GNG4: variants seen among roughly 807,000 people sequenced by gnomAD.
The protein encoded by GNG4 is G protein subunit gamma 4, also known as guanine nucleotide-binding protein G(I)/G(S)/G(O) subunit gamma-4.
In GNG4, 4 loss-of-function variants were observed where a neutral mutation model predicts 5.8. The ratio of observed to expected loss-of-function variants is 0.69; its 90% CI spans 0.34 to 1.57. GNG4 has a LOEUF of 1.57. GNG4 is among the 40% of genes most tolerant of loss of function. The probability of loss-of-function intolerance (pLI) is 0.06; values close to 1 mark genes in which losing one functional copy is unlikely to be tolerated. For synonymous variants in GNG4, 29 were observed against 32.9 expected, an observed-to-expected ratio of 0.88 and a Z score of 0.41; for missense variants, 96 against 95.1, an observed-to-expected ratio of 1.01 and a Z score of -0.04.
chr1:235,612,285 C>A (rs944501103), intron 1 of GNG4, among the ~76,000 whole-genome samples: 23 of 152,248 alleles, frequency 1.5e-4, no homozygotes, highest in African/African-American at 5.5e-4. Context: ...GGCCTGCCAG[C>A]AGAACAATGC....
At chr1:235,554,759 C>T (rs964767030) in intron 3 of GNG4, among the ~76,000 whole-genome samples, 1 of 149,128 alleles carries the variant, frequency 6.7e-6, no homozygotes, top group Non-Finnish European at 1.5e-5. Context: ...GCAGGAGAAT[C>T]GCTTGAACTC....
intron 1 of GNG4, among the ~76,000 whole-genome samples, chr1:235,620,492 G>T (rs560678666): frequency 1.3e-5 from 2 of 152,364 alleles, no homozygotes; most frequent in Admixed American, 6.5e-5. Context: ...AGCTTTGCCT[G>T]GTGAGTTGGA....
rs1262948149 is a variant in GNG4, at chr1:235,642,444, G to C, written c.-123+7218C>G. On this transcript the variant is annotated intron_variant, in intron 1 of 3. Coordinates refer to ENST00000391854, the MANE Select transcript of GNG4 (RefSeq NM_001098722.2). This position sits in a 1 kb window ranked among gnomAD's most constrained non-coding sequence, Gnocchi z 4.3. ...CCGACGTGGGCCTGCAGCAAGAGAC[G>C]GGTGCTAACAGCGTCCGAGCCAATC... Among the ~76,000 whole-genome samples the C allele has an allele frequency of 2.0e-5, 3 of 152,210 alleles. No individual in the cohort carries two copies. The highest frequency in any genetic ancestry group is 4.4e-5 in the Non-Finnish European group (3 of 68,030).
rs866592698 is a variant in GNG4, at chr1:235,608,687, A to T, written c.-122-13176T>A. ...TTTTTTACTTAGTTTTTTATTTTTT[A>T]TTTTTTTTTTTTTTGAGACGGAGTC... On this transcript the variant is annotated intron_variant, in intron 1 of 3. Coordinates refer to ENST00000391854, the MANE Select transcript of GNG4 (RefSeq NM_001098722.2). 5.2e-3 allele frequency among the ~76,000 whole-genome samples: 748 copies of T among 143,470 alleles called. 8 individuals carry two copies. The highest frequency in any genetic ancestry group is 0.016 in the African/African-American group (613 of 38,748). The allele number at this position is 143,470 out of a possible 152,430, so 94.1% of individuals were successfully genotyped here.
intron 3 of GNG4, among the ~76,000 whole-genome samples, chr1:235,564,619 A>G (rs1422159669): frequency 6.6e-6 from 1 of 152,150 alleles, no homozygotes; most frequent in Non-Finnish European, 1.5e-5. Flanking sequence ...ACAAATATTT[A>G]TTTTTACATC....
chr1:235,647,087 T>A (rs959034888), intron 1 of GNG4, among the ~76,000 whole-genome samples: 2 of 152,208 alleles, frequency 1.3e-5, no homozygotes, highest in Admixed American at 1.3e-4. Context: ...TCAATTAAAA[T>A]ATCCTTGCTA....
rs1558491449 is a variant in GNG4 at position 235,597,617 on chromosome 1, TG to T, written c.-122-2107del. Reference sequence around the variant, plus strand: ...GTGTGTGTGTGTGTGTGTGTGTGTGTGTGTGTGTGTGTATTTTTTTTTTTTT... The same window carrying T: ...GTGTGTGTGTGTGTGTGTGTGTGTGTTGTGTGTGTGTATTTTTTTTTTTTT... On this transcript the variant is annotated intron_variant, in intron 1 of 3. Transcript: ENST00000391854. Among the ~76,000 whole-genome samples the T allele has an allele frequency of 1.6e-3, 173 of 110,614 alleles. 5 individuals are homozygous for T. Among genetic ancestry groups the T allele is most frequent in the African/African-American group, 5.3e-3 (161 of 30,376 alleles). 72.6% of individuals were successfully genotyped at this position (110,614 alleles called of 152,430 possible). A position where few individuals can be genotyped will look rare whatever the true frequency, so the allele number is the denominator to read the frequency against.
At chr1:235,645,772 G>A (rs1175242203) in intron 1 of GNG4, among the ~76,000 whole-genome samples, 1 of 145,010 alleles carries the variant, frequency 6.9e-6, no homozygotes, top group Non-Finnish European at 1.5e-5. Flanking sequence ...TCTCCAGCCT[G>A]GGAGACAAGA....
intron 1 of GNG4, among the ~76,000 whole-genome samples, chr1:235,595,975 C>T (rs973870401): frequency 6.9e-6 from 1 of 145,856 alleles, no homozygotes; most frequent in African/African-American, 2.5e-5. Flanking sequence ...GAGATCGAGA[C>T]CATCTTGGCT....
rs374070518 is a variant in GNG4 at position 235,645,325 on chromosome 1, G to A, written c.-123+4337C>T. On this transcript the variant is annotated intron_variant, in intron 1 of 3. Coordinates refer to ENST00000391854, the MANE Select transcript of GNG4 (RefSeq NM_001098722.2). ...AACAGCCTCTTGCTCTTTTCTTCCCGCCATCTAAGCTCATTTCTCCTCTTT... is the reference window on the plus strand; with the variant it reads ...AACAGCCTCTTGCTCTTTTCTTCCCACCATCTAAGCTCATTTCTCCTCTTT... 2.5e-4 allele frequency among the ~76,000 whole-genome samples: 38 copies of A among 152,182 alleles called. 1 individual carries two copies. In the South Asian group the frequency reaches 7.5e-3, roughly 30 times the overall value.
intron 1 of GNG4, among the ~76,000 whole-genome samples, chr1:235,605,455 G>A (rs1414437081): frequency 1.3e-5 from 2 of 152,144 alleles, no homozygotes; most frequent in Non-Finnish European, 2.9e-5. Context: ...GATTACAGGT[G>A]TGAGCCACCG....
At chr1:235,555,442 C>A (rs1043743552) in intron 3 of GNG4, among the ~76,000 whole-genome samples, 1 of 152,176 alleles carries the variant, frequency 6.6e-6, no homozygotes, top group African/African-American at 2.4e-5. Flanking sequence ...ATGCTACATG[C>A]ATCAGATGTA....
intron 1 of GNG4, among the ~76,000 whole-genome samples, chr1:235,628,416 CG>C (rs369455729): frequency 0.024 from 3,271 of 136,798 alleles, 101 homozygotes; most frequent in African/African-American, 0.081. Context: ...TGTTAGGAGA[CG>C]GGGGGGGGTT....
At chr1:235,573,247 T>C (rs1411095261) in intron 3 of GNG4, among the ~76,000 whole-genome samples, 1 of 148,364 alleles carries the variant, frequency 6.7e-6, no homozygotes, top group East Asian at 2.0e-4. Context: ...AAACGCCGCA[T>C]GTTCTCACTC....
Position 235,574,518 on chromosome 1 carries a change from G to A in GNG4, c.99+9222C>T, listed in dbSNP as rs1411794090. ...CACCAGATGTTCTGCTTCTTTGTTG[G>A]AAGCGCTTTAAGTAAGCTCCATGCT... On this transcript the variant is annotated intron_variant, in intron 3 of 3. Coordinates refer to ENST00000391854, the MANE Select transcript of GNG4 (RefSeq NM_001098722.2). 2.6e-5 allele frequency among the ~76,000 whole-genome samples: 4 copies of A among 152,248 alleles called. No homozygotes were observed. The East Asian group carries it at 5.8e-4, about 22-fold the overall frequency.
chr1:235,637,045 C>T (rs1292153689), intron 1 of GNG4, among the ~76,000 whole-genome samples: 1 of 119,338 alleles, frequency 8.4e-6, no homozygotes, highest in African/African-American at 3.0e-5. Context: ...GCGACAGAGC[C>T]AGACTCCGTC....
At chr1:235,593,384 GAATT>G (rs1228830190) in intron 2 of GNG4, among the ~76,000 whole-genome samples, 9 of 152,200 alleles carry the variant, frequency 5.9e-5, no homozygotes, top group Non-Finnish European at 1.3e-4. Flanking sequence ...ACAGTACTTA[GAATT>G]TCTGGAAGCC....
chr1:235,577,042 C>A (rs1687499767), intron 3 of GNG4, among the ~76,000 whole-genome samples: 2 of 152,338 alleles, frequency 1.3e-5, no homozygotes, highest in Non-Finnish European at 2.9e-5. Context: ...TTTCCTTTCT[C>A]TTCCCAGTGA....
intron 2 of GNG4, among the ~76,000 whole-genome samples, chr1:235,589,519 G>C (rs904348555): frequency 6.6e-6 from 1 of 152,144 alleles, no homozygotes; most frequent in African/African-American, 2.4e-5. Flanking sequence ...ATGGCCCCAC[G>C]AGTGTTCCTT....
Sources: allele counts gnomAD v4.1 joint callset (sites outside exome capture counted in the v4.1 genomes callset), GRCh38; gene constraint gnomAD v4.1.1; non-coding constraint Gnocchi (gnomAD v3.1); transcripts MANE v1.5; gene names NCBI Gene and HGNC (gene_info 2026-07-23, HGNC 2026-07-21).